Variants in MCUB observed in about 807,000 individuals in gnomAD.
The protein encoded by MCUB is calcium uniporter regulatory subunit MCUb, mitochondrial.
MCUB carries 46 observed loss-of-function variants against 41.4 expected under a neutral mutation model. The observed-to-expected ratio is 1.11, with a 90% CI of 0.88 to 1.42. The LOEUF is 1.42. MCUB is among the 40% of genes most tolerant of loss of function. MCUB has a pLI of 0.00. For missense variants in MCUB, 403 were observed against 404.9 expected (o/e 1.00, Z 0.04); for synonymous variants, 148 against 148.2 (o/e 1.00, Z 0.01).
At chr4:109,622,253 TGAA>T (rs1728265072) in intron 1 of MCUB, among the ~76,000 whole-genome samples, 1 of 152,208 alleles carries the variant, frequency 6.6e-6, no homozygotes, top group African/African-American at 2.4e-5. Context: ...AAAAAGAACT[TGAA>T]GAATCAAGTG....
chr4:109,662,233 A>C (rs1311859252), intron 3 of MCUB, among the ~76,000 whole-genome samples: 1 of 152,220 alleles, frequency 6.6e-6, no homozygotes, highest in Non-Finnish European at 1.5e-5. Flanking sequence ...TGGGCTTCCT[A>C]ATATTTCATC....
intron 1 of MCUB, among the ~76,000 whole-genome samples, chr4:109,649,993 T>A (rs773493157): frequency 1.1e-4 from 16 of 152,176 alleles, no homozygotes; most frequent in Non-Finnish European, 1.8e-4. Flanking sequence ...CCCGGCTAAC[T>A]GGATTAAATG....
intron 1 of MCUB, among the ~76,000 whole-genome samples, chr4:109,564,419 T>C (rs550104182): frequency 6.6e-6 from 1 of 152,300 alleles, no homozygotes; most frequent in South Asian, 2.1e-4. Context: ...ATTACAAGCA[T>C]GAGACACTGC....
chr4:109,637,907 GTAAATTTTT>G (rs1728630413), intron 1 of MCUB, among the ~76,000 whole-genome samples: 1 of 152,166 alleles, frequency 6.6e-6, no homozygotes, highest in Non-Finnish European at 1.5e-5. Context: ...ATATAATTAA[GTAAATTTTT>G]AAAATGTTTA....
At chr4:109,633,720 A>G (rs1728526969) in intron 1 of MCUB, among the ~76,000 whole-genome samples, 3 of 152,204 alleles carry the variant, frequency 2.0e-5, no homozygotes, top group Non-Finnish European at 2.9e-5. Context: ...ATCATCTCAG[A>G]CACCCAGGCA....
chr4:109,681,040 T>C (rs979063976), intron 4 of MCUB, among the ~76,000 whole-genome samples: 1 of 152,216 alleles, frequency 6.6e-6, no homozygotes, highest in Non-Finnish European at 1.5e-5. Context: ...CTGTAAGAGT[T>C]GAAAAATAAT....
intron 1 of MCUB, among the ~76,000 whole-genome samples, chr4:109,576,277 C>T (rs936914029): frequency 3.9e-5 from 6 of 152,154 alleles, no homozygotes; most frequent in Non-Finnish European, 8.8e-5. Flanking sequence ...ATTCCTAAGT[C>T]CTCAGAGTAA....
At chr4:109,607,255 TC>T (rs936419959) in intron 1 of MCUB, among the ~76,000 whole-genome samples, 3 of 151,896 alleles carry the variant, frequency 2.0e-5, no homozygotes, top group Non-Finnish European at 2.9e-5. Flanking sequence ...CTCACTCTTG[TC>T]CCCCAGGCTG....
chr4:109,633,041 G>A (rs1299948496), intron 1 of MCUB, among the ~76,000 whole-genome samples: 1 of 152,166 alleles, frequency 6.6e-6, no homozygotes, highest in Non-Finnish European at 1.5e-5. Context: ...AGGTAAGAAG[G>A]TGTGAGGTTA....
chr4:109,599,107 A>G (rs1727665549), intron 1 of MCUB, among the ~76,000 whole-genome samples: 1 of 152,248 alleles, frequency 6.6e-6, no homozygotes, highest in Non-Finnish European at 1.5e-5. Context: ...AACAATGGAT[A>G]TTTAATTAAG....
intron 1 of MCUB, among the ~76,000 whole-genome samples, chr4:109,586,157 C>T (rs2126127662): frequency 6.6e-6 from 1 of 152,248 alleles, no homozygotes; most frequent in Non-Finnish European, 1.5e-5. Flanking sequence ...TTTCTTTTTA[C>T]ACTTTTTTCT....
At chr4:109,658,484 A>G (rs917212774) in intron 1 of MCUB, among the ~76,000 whole-genome samples, 8 of 152,002 alleles carry the variant, frequency 5.3e-5, no homozygotes, top group Admixed American at 1.3e-4. Flanking sequence ...TTTAGTGGAG[A>G]CAGGGTTTCT....
At chr4:109,561,445 A>T (rs888704018) in intron 1 of MCUB, among the ~76,000 whole-genome samples, 1 of 150,444 alleles carries the variant, frequency 6.6e-6, no homozygotes, top group African/African-American at 2.4e-5. Context: ...ATTTAAGTGC[A>T]TTTTTTTTTC....
At chr4:109,595,701 C>A (rs1727539267) in intron 1 of MCUB, among the ~76,000 whole-genome samples, 1 of 152,276 alleles carries the variant, frequency 6.6e-6, no homozygotes, top group Non-Finnish European at 1.5e-5. Context: ...CATAGAATAG[C>A]ATTGTTTTGG....
At position 109,606,894 on chromosome 4, in the gene MCUB, C is replaced by T. The variant is rs944712895; in HGVS notation, c.99+46458C>T. On this transcript the variant is annotated intron_variant, in intron 1 of 7. Coordinates refer to ENST00000394650, the MANE Select transcript of MCUB (RefSeq NM_017918.5). ...CCTGAGTAGCTGGGATTACAGGCAC[C>T]TGCCACCACGCCCAGCTAATTTTTG... Among the ~76,000 whole-genome samples the T allele has an allele frequency of 2.0e-4, 30 of 151,310 alleles. 1 individual carries two copies. The highest frequency in any genetic ancestry group is 7.3e-4 in the African/African-American group (30 of 41,296).
rs752851425 is a variant in MCUB at position 109,656,354 on chromosome 4, C to CTTTTTTT, written c.100-2625_100-2619dup. On this transcript the variant is annotated intron_variant, in intron 1 of 7. Coordinates refer to ENST00000394650, the MANE Select transcript of MCUB (RefSeq NM_017918.5). ...GAGGGGCTCTAACTTTTACTCTCTA[C>CTTTTTTT]TTTTTTTTTTTTTTTTTTTTTTTTT... 4.8e-4 allele frequency among the ~76,000 whole-genome samples: 30 copies of CTTTTTTT among 62,116 alleles called. 7 individuals are homozygous for CTTTTTTT. Among genetic ancestry groups the CTTTTTTT allele is most frequent in the East Asian group, 1.3e-3 (2 of 1,552 alleles). 40.8% of individuals were successfully genotyped at this position (62,116 alleles called of 152,430 possible). A position where few individuals can be genotyped will look rare whatever the true frequency, so the allele number is the denominator to read the frequency against.
Position 109,684,425 on chromosome 4 carries a change from T to G in MCUB, c.613-18T>G, listed in dbSNP as rs1729788874. 6.3e-6 allele frequency: 10 copies of G among 1,583,510 alleles called. No homozygotes were observed. Among genetic ancestry groups the G allele is most frequent in the African/African-American group, 1.4e-5 (1 of 73,596 alleles). ...GTGTATTTGTAAACAGAATTAACAG[T>G]TTTTCATTCCCCCTCAGGTGAAAGC... is the stretch of plus-strand genomic sequence containing the variant. On this transcript the variant is annotated intron_variant, in intron 5 of 7. Coordinates refer to ENST00000394650, the MANE Select transcript of MCUB (RefSeq NM_017918.5).
At chr4:109,628,313 CAG>C (rs926546984) in intron 1 of MCUB, among the ~76,000 whole-genome samples, 3 of 152,130 alleles carry the variant, frequency 2.0e-5, no homozygotes, top group African/African-American at 7.2e-5. Flanking sequence ...GAAAGAGAAA[CAG>C]AAGATGAAAT....
rs1232784814 is a variant in MCUB at position 109,688,299 on chromosome 4, A to G, written c.*707A>G. The G allele has an allele frequency of 1.3e-5, 2 of 152,214 alleles. No homozygotes were observed. Among genetic ancestry groups the G allele is most frequent in the East Asian group, 3.8e-4 (2 of 5,202 alleles). The allele number at this position is 152,214 out of a possible 1,614,324, so 9.4% of individuals were successfully genotyped here. A position where few individuals can be genotyped will look rare whatever the true frequency, so the allele number is the denominator to read the frequency against. On this transcript the variant is annotated 3_prime_UTR_variant, in exon 8 of 8. Transcript: ENST00000394650. The stretch of plus-strand genomic sequence containing the variant: ...ATAAGAATTGAACCTTGAAAGTAAC[A>G]TCTGTTATTCTATTAATGTGATTGT...
Sources: gnomAD v4.1 joint callset for allele counts (sites outside exome capture counted in the v4.1 genomes callset) on GRCh38, gnomAD v4.1.1 for gene constraint, MANE v1.5 for transcripts, NCBI Gene and HGNC (gene_info 2026-07-23, HGNC 2026-07-21) for gene names.